COL19A1: variants seen among roughly 807,000 people sequenced by gnomAD.
COL19A1 encodes the protein collagen type XIX alpha 1 chain, also known as collagen alpha-1(XIX) chain.
In COL19A1, 159 loss-of-function variants were observed where a neutral mutation model predicts 190.2. That is an observed-to-expected ratio of 0.84 (90% CI 0.73 to 0.95). COL19A1 has a LOEUF of 0.95. COL19A1 is among the 40% of genes least tolerant of loss of function. The pLI is 0.00. For synonymous variants in COL19A1, 509 were observed against 458.9 expected, an observed-to-expected ratio of 1.11 and a Z score of -1.39; for missense variants, 1,418 against 1,431.9, an observed-to-expected ratio of 0.99 and a Z score of 0.16.
intron 15 of COL19A1, among the ~76,000 whole-genome samples, chr6:70,095,449 G>A (rs1783191886): frequency 6.6e-6 from 1 of 152,084 alleles, no homozygotes; most frequent in African/African-American, 2.4e-5. Context: ...TAGTAGAAGG[G>A]CAATGAGGAA....
At chr6:69,978,101 G>A (rs1170471237) in intron 11 of COL19A1, among the ~76,000 whole-genome samples, 2 of 150,304 alleles carry the variant, frequency 1.3e-5, no homozygotes, top group African/African-American at 4.8e-5. Context: ...AGCAGGCCTT[G>A]CTATCATTCC....
intron 2 of COL19A1, among the ~76,000 whole-genome samples, chr6:69,889,645 C>A (rs1445577439): frequency 6.6e-6 from 1 of 152,014 alleles, no homozygotes; most frequent in Non-Finnish European, 1.5e-5. Flanking sequence ...GTAAATGCAC[C>A]AATCAGCGCT....
At chr6:69,992,179 G>A (rs998095684) in intron 11 of COL19A1, among the ~76,000 whole-genome samples, 7 of 151,956 alleles carry the variant, frequency 4.6e-5, no homozygotes, top group African/African-American at 9.7e-5. Context: ...GCTTGTTTTC[G>A]TAAGCCTTGT....
At position 69,960,775 on chromosome 6, in the gene COL19A1, C is replaced by T. The variant is rs922999673; in HGVS notation, c.981+735C>T. Among the ~76,000 whole-genome samples the T allele has an allele frequency of 3.9e-5, 6 of 151,946 alleles. No individual in the cohort carries two copies. In the South Asian group the frequency reaches 6.2e-4, roughly 16 times the overall value. ...CCGAGGAGCTGGGACTACAGGTGCC[C>T]GCCACCACAGCCGGCTAATTTTTTT... is the stretch of plus-strand genomic sequence containing the variant. On this transcript the variant is annotated intron_variant, in intron 10 of 50. Transcript: ENST00000620364.
rs761654791 is a variant in COL19A1 at position 70,180,507 on chromosome 6, GA to G, written c.2760del (p.Ser922GlnfsTer6). The G allele has an allele frequency of 6.2e-7, 1 of 1,614,116 alleles. No individual in the cohort carries two copies. Among genetic ancestry groups the G allele is most frequent in the Non-Finnish European group, 8.5e-7 (1 of 1,179,992 alleles). On this transcript the variant is annotated frameshift_variant, in exon 44 of 51. Coordinates refer to ENST00000620364, the MANE Select transcript of COL19A1 (RefSeq NM_001858.6). LOFTEE classifies it high-confidence loss of function. The stretch of plus-strand genomic sequence containing the variant: ...GATATAGGTTTCCCTGGACCAGAAG[GA>G]CCCTCAGGAAAGCCAGTAAGTACTT... ...VGDIGFPGPE[G>X]PSGKPGINGK...
chr6:70,184,801 C>T (rs1766403652), intron 45 of COL19A1, 63 bp downstream of exon 45: 8 of 1,602,644 alleles, frequency 5.0e-6, no homozygotes, highest in Admixed American at 3.4e-5. Flanking sequence ...TACCTACCAA[C>T]ATTTACATCA....
chr6:69,971,694 C>T (rs1224712165), intron 11 of COL19A1, among the ~76,000 whole-genome samples: 1 of 152,120 alleles, frequency 6.6e-6, no homozygotes, highest in African/African-American at 2.4e-5. Flanking sequence ...CCACTAAAAT[C>T]AAGACTAAGA....
At chr6:69,896,323 G>T (rs1249842068) in intron 2 of COL19A1, among the ~76,000 whole-genome samples, 1 of 151,438 alleles carries the variant, frequency 6.6e-6, no homozygotes, top group African/African-American at 2.4e-5. Flanking sequence ...GGATCATGAG[G>T]TCAGGAGATC....
intron 7 of COL19A1, among the ~76,000 whole-genome samples, chr6:69,933,873 A>G (rs886798149): frequency 2.6e-5 from 4 of 152,010 alleles, no homozygotes; most frequent in Admixed American, 2.6e-4. Flanking sequence ...AAAAAAGATA[A>G]ATGGGACAGA....
chr6:70,127,686 T>C (rs1785282948), intron 17 of COL19A1, among the ~76,000 whole-genome samples: 1 of 152,152 alleles, frequency 6.6e-6, no homozygotes, highest in Non-Finnish European at 1.5e-5. Flanking sequence ...ACGTCTAACA[T>C]GGTGGCAGAC....
At chr6:70,144,334 A>G (rs888457824) in intron 24 of COL19A1, 71 bp downstream of exon 24, 3 of 1,337,726 alleles carry the variant, frequency 2.2e-6, no homozygotes, top group Non-Finnish European at 3.2e-6. Flanking sequence ...CATAAGGGAG[A>G]TGAAAGGACA....
At chr6:70,107,146 G>A (rs1344070662) in intron 16 of COL19A1, among the ~76,000 whole-genome samples, 2 of 152,174 alleles carry the variant, frequency 1.3e-5, no homozygotes, top group Non-Finnish European at 2.9e-5. Context: ...CTGAAACACA[G>A]GAACTGATCC....
intron 12 of COL19A1, among the ~76,000 whole-genome samples, chr6:70,033,946 A>C (rs1779207469): frequency 6.6e-6 from 1 of 152,180 alleles, no homozygotes; most frequent in Non-Finnish European, 1.5e-5. Context: ...GTGGATACTT[A>C]AAAGCTCATA....
intron 17 of COL19A1, among the ~76,000 whole-genome samples, chr6:70,129,479 A>G (rs762047511): frequency 1.3e-5 from 2 of 152,242 alleles, no homozygotes; most frequent in Admixed American, 6.5e-5. Flanking sequence ...AACAGCCATG[A>G]TAAGAGATGA....
At chr6:70,061,683 T>C (rs1780837177) in intron 14 of COL19A1, among the ~76,000 whole-genome samples, 1 of 152,144 alleles carries the variant, frequency 6.6e-6, no homozygotes, top group Admixed American at 6.6e-5. Context: ...CTGATGTGTA[T>C]GTTTTAGTAA....
chr6:70,150,214 G>A (rs867594443), intron 30 of COL19A1, among the ~76,000 whole-genome samples, 169 bp downstream of exon 30: 7 of 152,086 alleles, frequency 4.6e-5, no homozygotes, highest in African/African-American at 9.7e-5. Flanking sequence ...GGCTGGATCA[G>A]CATTTCTGTG....
chr6:70,176,829 T>C (rs1189601994), intron 42 of COL19A1, among the ~76,000 whole-genome samples: 1 of 152,258 alleles, frequency 6.6e-6, no homozygotes, highest in African/African-American at 2.4e-5. Context: ...ACAGTTACTA[T>C]ACATTAATTT....
At chr6:70,139,121 C>T (rs574808507) in intron 19 of COL19A1, among the ~76,000 whole-genome samples, 2 of 152,190 alleles carry the variant, frequency 1.3e-5, no homozygotes, top group East Asian at 3.9e-4. Context: ...AAAGGAGAAA[C>T]TTTCAGTGAG....
chr6:70,008,423 T>C (rs989341824), intron 11 of COL19A1, among the ~76,000 whole-genome samples: 2 of 151,930 alleles, frequency 1.3e-5, no homozygotes, highest in Non-Finnish European at 2.9e-5. Context: ...TTTAGGCTAA[T>C]AAATTCTATA....
Sources: allele counts gnomAD v4.1 joint callset (sites outside exome capture counted in the v4.1 genomes callset), GRCh38; gene constraint gnomAD v4.1.1; transcripts MANE v1.5; gene names NCBI Gene and HGNC (gene_info 2026-07-23, HGNC 2026-07-21).